Variants in GRID2 observed in about 807,000 individuals in gnomAD.
GRID2 encodes glutamate ionotropic receptor delta type subunit 2, also known as glutamate receptor ionotropic, delta-2.
GRID2 carries 33 observed loss-of-function variants against 114.8 expected under a neutral mutation model. That is an observed-to-expected ratio of 0.29 (90% CI 0.22 to 0.38). GRID2 has a LOEUF of 0.38. GRID2 is among the 10% of genes least tolerant of loss of function. The probability of loss-of-function intolerance (pLI) is 1.00; values close to 1 mark genes in which losing one functional copy is unlikely to be tolerated. For synonymous variants in GRID2, 505 were observed against 449.9 expected (o/e 1.12, Z -1.55); for missense variants, 1,184 against 1,257.7 (o/e 0.94, Z 0.89).
At chr4:92,989,276 CAAA>C (rs1182397768) in intron 2 of GRID2, among the ~76,000 whole-genome samples, 23 of 74,298 alleles carry the variant, frequency 3.1e-4, no homozygotes, top group African/African-American at 8.8e-4. Context: ...GACTCCATCT[CAAA>C]AAAAAAAAAA....
chr4:93,044,248 A>C (rs922658288), intron 2 of GRID2, among the ~76,000 whole-genome samples: 2 of 152,168 alleles, frequency 1.3e-5, no homozygotes, highest in African/African-American at 4.8e-5. Context: ...GCATTGCACA[A>C]TCTTCAAGAA....
At chr4:92,442,514 G>T (rs1733164998) in intron 1 of GRID2, among the ~76,000 whole-genome samples, 1 of 152,082 alleles carries the variant, frequency 6.6e-6, no homozygotes. Flanking sequence ...GATGTGGCTG[G>T]GGTTTGTCTC....
At chr4:93,147,190 G>T (rs1736344714) in intron 4 of GRID2, among the ~76,000 whole-genome samples, 1 of 152,018 alleles carries the variant, frequency 6.6e-6, no homozygotes, top group Non-Finnish European at 1.5e-5. Context: ...GTAGTCAAAG[G>T]TTACAGGCAT....
At chr4:92,823,147 A>G (rs1426169757) in intron 2 of GRID2, 2 of 152,212 alleles carry the variant, frequency 1.3e-5, no homozygotes, top group African/African-American at 4.8e-5. Flanking sequence ...GTACAAAAGT[A>G]TCTTGGAGCT....
At chr4:93,701,619 T>G (rs993355362) in intron 14 of GRID2, among the ~76,000 whole-genome samples, 6 of 152,144 alleles carry the variant, frequency 3.9e-5, no homozygotes, top group African/African-American at 1.2e-4. Context: ...CAGACCATTT[T>G]GATAAGTTCA....
intron 1 of GRID2, among the ~76,000 whole-genome samples, chr4:92,501,671 C>A (rs1447856170): frequency 2.0e-5 from 3 of 152,182 alleles, no homozygotes; most frequent in Non-Finnish European, 2.9e-5. Context: ...TCCAGCCTTA[C>A]CCTGTATGAC....
At chr4:93,381,652 C>T (rs1004196079) in intron 8 of GRID2, among the ~76,000 whole-genome samples, 1 of 152,044 alleles carries the variant, frequency 6.6e-6, no homozygotes, top group Non-Finnish European at 1.5e-5. Context: ...TCCAATAATA[C>T]ACAAAACTCT....
intron 6 of GRID2, chr4:93,217,172 A>G (rs1311669922): frequency 8.1e-6 from 2 of 247,406 alleles, no homozygotes; most frequent in Admixed American, 5.0e-5. Context: ...AAGTAGGTCC[A>G]TAACATTTCC....
chr4:92,816,318 C>CAAAAAAAAAAAAAAA, intron 2 of GRID2, among the ~76,000 whole-genome samples: 1 of 48,260 alleles, frequency 2.1e-5, no homozygotes, highest in Non-Finnish European at 4.0e-5. Context: ...TCTGTCTCAC[C>CAAAAAAAAAAAAAAA]AAAAAAAAAA....
chr4:93,370,445 ACACACACG>A (rs369269580), intron 8 of GRID2, among the ~76,000 whole-genome samples: 3 of 150,790 alleles, frequency 2.0e-5, no homozygotes, highest in African/African-American at 7.3e-5. Flanking sequence ...ACAGGCACAC[ACACACACG>A]CACACACAAA....
At chr4:92,579,423 ATAAAT>A (rs1183498748) in intron 1 of GRID2, among the ~76,000 whole-genome samples, 1 of 152,062 alleles carries the variant, frequency 6.6e-6, no homozygotes, top group Non-Finnish European at 1.5e-5. Flanking sequence ...GTCTAAGAAA[ATAAAT>A]TAAGAACACA....
chr4:92,899,456 A>G (rs1017269179), intron 2 of GRID2, among the ~76,000 whole-genome samples: 1 of 152,200 alleles, frequency 6.6e-6, no homozygotes, highest in Non-Finnish European at 1.5e-5. Context: ...AAGTAATATC[A>G]GTCTTGAGCT....
intron 9 of GRID2, among the ~76,000 whole-genome samples, chr4:93,400,807 A>G (rs1032659567): frequency 2.6e-5 from 4 of 152,058 alleles, no homozygotes; most frequent in African/African-American, 9.7e-5. Context: ...CACACAAAAC[A>G]GTCAAAGATC....
rs143282489 is a variant in GRID2 at position 93,697,602 on chromosome 4, C to T, written c.2360+71167C>T. On this transcript the variant is annotated intron_variant, in intron 14 of 15. Transcript: ENST00000282020. ...AAGAAGATGCAGTGCCAGATGCTAC[C>T]GAATATTAGTCACTTTCTTATTTCA... Among the ~76,000 whole-genome samples, 1,126 of 151,726 alleles carry T rather than the reference C, an allele frequency of 7.4e-3. 18 individuals are homozygous for T. The highest frequency in any genetic ancestry group is 0.026 in the African/African-American group (1,060 of 41,362).
chr4:92,475,973 GT>G (rs1183945145), intron 1 of GRID2, among the ~76,000 whole-genome samples: 1 of 148,244 alleles, frequency 6.7e-6, no homozygotes, highest in Non-Finnish European at 1.5e-5. Flanking sequence ...TCTTTGGATA[GT>G]TTGTTGTTAG....
intron 11 of GRID2, 77 bp from the exon 12 acceptor site, chr4:93,490,562 G>T: frequency 9.6e-7 from 1 of 1,040,986 alleles, no homozygotes; most frequent in Non-Finnish European, 1.4e-6. Flanking sequence ...AGTTAATTTG[G>T]TGTTGAATAT....
At chr4:92,651,927 A>G (rs977848231) in intron 2 of GRID2, among the ~76,000 whole-genome samples, 3 of 152,088 alleles carry the variant, frequency 2.0e-5, no homozygotes, top group Non-Finnish European at 4.4e-5. Flanking sequence ...GTCAACTTTC[A>G]TAGAACACTC....
chr4:92,620,565 C>G (rs1308053799), intron 2 of GRID2, among the ~76,000 whole-genome samples: 1 of 151,542 alleles, frequency 6.6e-6, no homozygotes, highest in Non-Finnish European at 1.5e-5. Context: ...GAAGGAAAGA[C>G]AGATATAGGG....
intron 8 of GRID2, among the ~76,000 whole-genome samples, chr4:93,245,378 T>A (rs1448546534): frequency 6.6e-6 from 1 of 152,172 alleles, no homozygotes. Context: ...GGTGTTACAC[T>A]CTTTATCCTC....
Sources: gnomAD v4.1 joint callset for allele counts (sites outside exome capture counted in the v4.1 genomes callset) on GRCh38, gnomAD v4.1.1 for gene constraint, MANE v1.5 for transcripts, NCBI Gene and HGNC (gene_info 2026-07-23, HGNC 2026-07-21) for gene names.